Variants in NUP160 observed in about 807,000 individuals in gnomAD.
NUP160 encodes nuclear pore complex protein Nup160.
NUP160 carries 94 observed loss-of-function variants against 196.9 expected under a neutral mutation model. The ratio of observed to expected loss-of-function variants is 0.48; its 90% confidence interval spans 0.40 to 0.57. The LOEUF is 0.57. Ranked by LOEUF, NUP160 falls within the 20% of genes least tolerant of loss-of-function variation. The pLI, the probability that NUP160 is intolerant of heterozygous loss-of-function variation, is 0.00. For missense variants in NUP160, 1,638 were observed against 1,748.3 expected (o/e 0.94, Z 1.13); for synonymous variants, 605 against 619.7 (o/e 0.98, Z 0.35).
intron 20 of NUP160, 39 bp downstream of exon 20, chr11:47,806,114 A>T: frequency 6.2e-7 from 1 of 1,602,030 alleles, no homozygotes; most frequent in Non-Finnish European, 8.6e-7. Flanking sequence ...ATGCCCGGCC[A>T]GAAGAGAGCT....
At chr11:47,843,485 C>T (rs181645594) in intron 2 of NUP160, among the ~76,000 whole-genome samples, 17 of 152,226 alleles carry the variant, frequency 1.1e-4, no homozygotes, top group East Asian at 5.8e-4. Context: ...TTTGTTGGTT[C>T]GTCATTTTTC....
At chr11:47,792,529 C>T in intron 28 of NUP160, 1 of 344,588 alleles carries the variant, frequency 2.9e-6, no homozygotes, top group Non-Finnish European at 5.2e-6. Flanking sequence ...GATTAAGTAA[C>T]TTGTCTGAAT....
intron 7 of NUP160, chr11:47,827,259 G>C (rs1851988564): frequency 2.4e-6 from 1 of 409,270 alleles, no homozygotes; most frequent in African/African-American, 2.1e-5. Flanking sequence ...AGCTACCTGG[G>C]AGGCTGAGGT....
chr11:47,812,275 A>T (rs537648381), intron 16 of NUP160, 27 bp downstream of exon 16: 87 of 1,613,636 alleles, frequency 5.4e-5, no homozygotes, highest in Non-Finnish European at 7.2e-5. Flanking sequence ...TTAATCAAAG[A>T]GGCACATTTG....
At chr11:47,831,602 G>C (rs1336640877) in intron 7 of NUP160, among the ~76,000 whole-genome samples, 6 of 151,756 alleles carry the variant, frequency 4.0e-5, no homozygotes, top group Non-Finnish European at 8.8e-5. Flanking sequence ...CCAGCACTTT[G>C]GGAGGCCGAG....
intron 17 of NUP160, among the ~76,000 whole-genome samples, chr11:47,811,582 A>G (rs150910881): frequency 6.6e-6 from 1 of 152,176 alleles, no homozygotes; most frequent in Non-Finnish European, 1.5e-5. Flanking sequence ...GTTACTAATA[A>G]TACTACATTT....
Position 47,819,560 on chromosome 11 carries a change from C to G in NUP160, c.1278-102G>C, listed in dbSNP as rs139296830. 4.8e-6 allele frequency: 3 copies of G among 629,110 alleles called. No homozygotes were observed. In the African/African-American group the frequency reaches 5.6e-5, roughly 12 times the overall value. 39.0% of individuals were successfully genotyped at this position (629,110 alleles called of 1,614,324 possible). A position where few individuals can be genotyped will look rare whatever the true frequency, so the allele number is the denominator to read the frequency against. On this transcript the variant is annotated intron_variant, in intron 9 of 35. Coordinates refer to ENST00000378460, the Ensembl canonical transcript of NUP160. ...GCAGGGAGGACCCCATCACGGAACCCGGCAATGACTGCTTCATCAATTCTA... is the reference window on the plus strand; with the variant it reads ...GCAGGGAGGACCCCATCACGGAACCGGGCAATGACTGCTTCATCAATTCTA...
chr11:47,782,303 A>AATATATATAT (rs10529981), intron 34 of NUP160, among the ~76,000 whole-genome samples: 3 of 40,516 alleles, frequency 7.4e-5, no homozygotes, highest in Non-Finnish European at 1.3e-4. Context: ...AAAAAAAAAA[A>AATATATATAT]ATATATATAT....
chr11:47,797,603 G>A (rs940645171), intron 27 of NUP160, among the ~76,000 whole-genome samples, 176 bp downstream of exon 27: 3 of 152,138 alleles, frequency 2.0e-5, no homozygotes, highest in Non-Finnish European at 4.4e-5. Context: ...AACGCCTTGA[G>A]AAAGTTCTAG....
At chr11:47,804,641 T>G (rs2097676406) in intron 20 of NUP160, 23 bp from the exon 21 acceptor site, 1 of 1,482,224 alleles carries the variant, frequency 6.7e-7, no homozygotes, top group Non-Finnish European at 9.0e-7. Context: ...TAAGGATATT[T>G]CTTAATTTTT....
At chr11:47,786,504 G>A (rs140499871) in exon 32 of NUP160, 32 of 1,613,984 alleles carry the variant, frequency 2.0e-5, no homozygotes, top group Non-Finnish European at 2.6e-5. Flanking sequence ...TGCTAGCCAG[G>A]CCCAGGCTTC....
chr11:47,829,149 T>C (rs936308925), intron 7 of NUP160, among the ~76,000 whole-genome samples: 2 of 151,090 alleles, frequency 1.3e-5, no homozygotes, highest in African/African-American at 4.9e-5. Context: ...ATCAAGAAAG[T>C]GAAAAGACAG....
At chr11:47,805,828 CT>C (rs1018445467) in intron 20 of NUP160, among the ~76,000 whole-genome samples, 8 of 147,968 alleles carry the variant, frequency 5.4e-5, no homozygotes, top group Non-Finnish European at 9.0e-5. Context: ...AAGAGAGCTG[CT>C]TTTTTTTTTG....
rs550515699 is a variant in NUP160, at chr11:47,791,869, A to C, written c.3511+61T>G. 7.5e-6 allele frequency: 8 copies of C among 1,059,912 alleles called. No homozygotes were observed. In the African/African-American group the frequency reaches 1.3e-4, roughly 17 times the overall value. The allele number at this position is 1,059,912 out of a possible 1,614,324, so 65.7% of individuals were successfully genotyped here. ...TAACTACATATTTCTATCATAATAC[A>C]ACTAACAATAACAACATTACTACTG... On this transcript the variant is annotated intron_variant, in intron 29 of 35. Transcript: ENST00000378460.
At chr11:47,795,574 TAG>T (rs1164927731) in intron 27 of NUP160, among the ~76,000 whole-genome samples, 1 of 152,210 alleles carries the variant, frequency 6.6e-6, no homozygotes, top group Non-Finnish European at 1.5e-5. Flanking sequence ...ACAAAAATGT[TAG>T]ACATTCCACA....
rs4752869 is a variant in NUP160, at chr11:47,811,774, A to T, written c.2241+290T>A. 1 allele frequency among the ~76,000 whole-genome samples: 152,311 copies of T among 152,316 alleles called. 76,153 individuals carry two copies. The highest frequency in any genetic ancestry group is 1 in the Non-Finnish European group (68,044 of 68,044). Reference sequence around the variant, plus strand: ...ATGGTTTGCTGCACAGATCAACCCAACACCTAAGTATTAGGCCCAGGATCC... The same window carrying T: ...ATGGTTTGCTGCACAGATCAACCCATCACCTAAGTATTAGGCCCAGGATCC... On this transcript the variant is annotated intron_variant, in intron 17 of 35. Coordinates refer to ENST00000378460, the Ensembl canonical transcript of NUP160.
intron 7 of NUP160, among the ~76,000 whole-genome samples, chr11:47,832,036 G>C (rs948653222): frequency 1.3e-5 from 2 of 151,278 alleles, no homozygotes; most frequent in Non-Finnish European, 2.9e-5. Context: ...TGAGCAGCTG[G>C]GACTACAGGC....
chr11:47,847,626 T>C (rs982807814), intron 2 of NUP160, among the ~76,000 whole-genome samples: 4 of 102,836 alleles, frequency 3.9e-5, no homozygotes, highest in African/African-American at 1.5e-4. Context: ...CTGGTGTTGC[T>C]TGGTGTATGT....
intron 9 of NUP160, 170 bp downstream of exon 9, chr11:47,821,554 G>C: frequency 1.8e-6 from 1 of 552,524 alleles, no homozygotes; most frequent in Non-Finnish European, 3.2e-6. Flanking sequence ...AGTAGAGACG[G>C]GGTTTCTGTT....
Sources: allele counts gnomAD v4.1 joint callset (sites outside exome capture counted in the v4.1 genomes callset), GRCh38; gene constraint gnomAD v4.1.1; transcripts MANE v1.5; gene names NCBI Gene and HGNC (gene_info 2026-07-23, HGNC 2026-07-21).